MAP2K5: variants seen among roughly 807,000 people sequenced by gnomAD.
The protein encoded by MAP2K5 is dual specificity mitogen-activated protein kinase kinase 5.
MAP2K5 carries 49 observed loss-of-function variants against 83.1 expected under a neutral mutation model. That is an observed-to-expected ratio of 0.59 (90% CI 0.47 to 0.75). The LOEUF is 0.75. MAP2K5 is among the 30% of genes least tolerant of loss of function. MAP2K5 has a pLI of 0.00. For synonymous variants in MAP2K5, 202 were observed against 191.8 expected (o/e 1.05, Z -0.44); for missense variants, 457 against 557.5 (o/e 0.82, Z 1.82).
Position 67,708,021 on chromosome 15 carries a change from G to A in MAP2K5, c.1044+4613G>A, listed in dbSNP as rs949882578. 6.6e-6 allele frequency among the ~76,000 whole-genome samples: 1 copy of A among 152,190 alleles called. No homozygotes were observed. The highest frequency in any genetic ancestry group is 6.5e-5 in the Admixed American group (1 of 15,276). Reference sequence around the variant, plus strand: ...AAAGGAATTTCCCTGAAATTACACAGGAATCAAATACAGGCTAGGCCTGGC... The same window carrying A: ...AAAGGAATTTCCCTGAAATTACACAAGAATCAAATACAGGCTAGGCCTGGC... On this transcript the variant is annotated intron_variant, in intron 16 of 21. Transcript: ENST00000178640. The surrounding 1 kb of genome is among the most constrained non-coding windows in gnomAD (Gnocchi z 4.9).
chr15:67,573,796 T>C lies in MAP2K5; in HGVS notation c.253-6958T>C, dbSNP rs1454247938. ...TCTGAGTTTTGCTTTAAAGATAATATCTTTAAATAATAATATCTTCTTGTG... is the reference window on the plus strand; with the variant it reads ...TCTGAGTTTTGCTTTAAAGATAATACCTTTAAATAATAATATCTTCTTGTG... On this transcript the variant is annotated intron_variant, in intron 3 of 21. Transcript: ENST00000178640. This position sits in a 1 kb window ranked among gnomAD's most constrained non-coding sequence, Gnocchi z 4.2. 6.6e-6 allele frequency among the ~76,000 whole-genome samples: 1 copy of C among 152,158 alleles called. No homozygotes were observed. Among genetic ancestry groups the C allele is most frequent in the Non-Finnish European group, 1.5e-5 (1 of 68,026 alleles).
In MAP2K5 at chr15:67,563,175, G is replaced by C. The variant is rs2084772814; in HGVS notation, c.185-108G>C. Reference sequence around the variant, plus strand: ...TAATGTCAACATACCCCCAAAATGTGGTGTTGAGGGTTAGAATATCACATT... The same window carrying C: ...TAATGTCAACATACCCCCAAAATGTCGTGTTGAGGGTTAGAATATCACATT... On this transcript the variant is annotated intron_variant, in intron 2 of 21. Coordinates refer to ENST00000178640, the MANE Select transcript of MAP2K5 (RefSeq NM_145160.3). This position sits in a 1 kb window ranked among gnomAD's most constrained non-coding sequence, Gnocchi z 4.5. 8.7e-7 allele frequency: 1 copy of C among 1,154,866 alleles called. No individual in the cohort carries two copies. The highest frequency in any genetic ancestry group is 1.6e-5 in the African/African-American group (1 of 64,206). 71.5% of individuals were successfully genotyped at this position (1,154,866 alleles called of 1,614,324 possible).
intron 17 of MAP2K5, among the ~76,000 whole-genome samples, chr15:67,730,829 G>A (rs946399412): frequency 2.0e-5 from 3 of 152,170 alleles, no homozygotes; most frequent in Admixed American, 1.3e-4. Flanking sequence ...GTGGCCTATT[G>A]GAAGGAGCCC....
At position 67,760,414 on chromosome 15, in the gene MAP2K5, A is replaced by G. The variant is rs2089926476; in HGVS notation, c.1135-9188A>G. The stretch of plus-strand genomic sequence containing the variant: ...AAAGTTTTTTTAAACACACAATTAT[A>G]TAAAATTAGATTTTATTAACTATTG... On this transcript the variant is annotated intron_variant, in intron 19 of 21. Transcript: ENST00000178640. The surrounding 1 kb of genome is among the most constrained non-coding windows in gnomAD (Gnocchi z 4.1). Among the ~76,000 whole-genome samples, 1 of 152,232 alleles carries G rather than the reference A, an allele frequency of 6.6e-6. No individual in the cohort carries two copies. Among genetic ancestry groups the G allele is most frequent in the Non-Finnish European group, 1.5e-5 (1 of 68,042 alleles).
At chr15:67,619,829 G>A (rs2086140461) in intron 8 of MAP2K5, among the ~76,000 whole-genome samples, 1 of 152,210 alleles carries the variant, frequency 6.6e-6, no homozygotes, top group Non-Finnish European at 1.5e-5. Flanking sequence ...TACTCAGGAG[G>A]CTGAGGCAGG....
chr15:67,803,928 C>A (rs1290594871), intron 21 of MAP2K5, among the ~76,000 whole-genome samples: 1 of 152,218 alleles, frequency 6.6e-6, no homozygotes, highest in African/African-American at 2.4e-5. Context: ...TCTGGGAGCT[C>A]AGGCAGGTCA....
In MAP2K5 at chr15:67,764,514, C is replaced by T. The variant is rs2141293748; in HGVS notation, c.1135-5088C>T. ...TGGCAGTCTCACGTGGCCACTTCCT[C>T]CATCCTGCAGGGCTGGTTATTAGGG... is the stretch of plus-strand genomic sequence containing the variant. On this transcript the variant is annotated intron_variant, in intron 19 of 21. Coordinates refer to ENST00000178640, the MANE Select transcript of MAP2K5 (RefSeq NM_145160.3). The surrounding 1 kb of genome is among the most constrained non-coding windows in gnomAD (Gnocchi z 4.9). Among the ~76,000 whole-genome samples the T allele has an allele frequency of 6.6e-6, 1 of 152,294 alleles. No individual in the cohort carries two copies. The highest frequency in any genetic ancestry group is 1.5e-5 in the Non-Finnish European group (1 of 68,024).
chr15:67,656,949 C>G (rs987787135), intron 11 of MAP2K5, among the ~76,000 whole-genome samples: 1 of 152,180 alleles, frequency 6.6e-6, no homozygotes, highest in South Asian at 2.1e-4. Flanking sequence ...AACAGGAACT[C>G]TTAATCCTGA....
intron 8 of MAP2K5, 140 bp from the exon 9 acceptor site, chr15:67,630,748 A>C: frequency 1.5e-6 from 1 of 653,138 alleles, no homozygotes; most frequent in Non-Finnish European, 2.7e-6. Flanking sequence ...ATAAATGTAA[A>C]TTACTAATGT....
In MAP2K5 at chr15:67,550,070, A is replaced by G. The variant is rs1230333093; in HGVS notation, c.172A>G (p.Thr58Ala). The G allele has an allele frequency of 1.3e-5, 21 of 1,613,532 alleles. No individual in the cohort carries two copies. Among genetic ancestry groups the G allele is most frequent in the Non-Finnish European group, 1.7e-5 (20 of 1,179,634 alleles). Reference sequence around the variant, plus strand: ...CCAGGTTCTGCCTGAAGCAACAACTACAGCATTTGAATGTAAGTCTGGCTT... The same window carrying G: ...CCAGGTTCTGCCTGAAGCAACAACTGCAGCATTTGAATGTAAGTCTGGCTT... ...IGQVLPEATT[T>A]AFEYEDEDGD... The change falls in exon 2 of 22, where the codon ACA becomes GCA. Residue 58 changes from threonine to alanine, a missense_variant. Thr to Ala is a moderately conservative substitution (Grantham distance 58). Coordinates refer to ENST00000178640, the MANE Select transcript of MAP2K5 (RefSeq NM_145160.3).
chr15:67,543,162 C>T lies in MAP2K5; in HGVS notation c.-174C>T. ...CCGACAGCCTGGGCAGGCTCGGTGCCTGCGGGTGCGTTCCTGATCACCCCT... is the reference window on the plus strand; with the variant it reads ...CCGACAGCCTGGGCAGGCTCGGTGCTTGCGGGTGCGTTCCTGATCACCCCT... On this transcript the variant is annotated 5_prime_UTR_variant, in exon 1 of 22. Transcript: ENST00000178640. This position sits in a 1 kb window ranked among gnomAD's most constrained non-coding sequence, Gnocchi z 4.3. 1 of 653,404 alleles carries T rather than the reference C, an allele frequency of 1.5e-6. No homozygotes were observed. The highest frequency in any genetic ancestry group is 4.2e-4 in the Middle Eastern group (1 of 2,376). The allele number at this position is 653,404 out of a possible 1,614,324, so 40.5% of individuals were successfully genotyped here. A position where few individuals can be genotyped will look rare whatever the true frequency, so the allele number is the denominator to read the frequency against.
At position 67,652,464 on chromosome 15, in the gene MAP2K5, G is replaced by A. The variant is rs1356601601; in HGVS notation, c.736+5995G>A. Among the ~76,000 whole-genome samples, 1 of 152,076 alleles carries A rather than the reference G, an allele frequency of 6.6e-6. No homozygotes were observed. Among genetic ancestry groups the A allele is most frequent in the Non-Finnish European group, 1.5e-5 (1 of 68,010 alleles). On this transcript the variant is annotated intron_variant, in intron 11 of 21. Coordinates refer to ENST00000178640, the MANE Select transcript of MAP2K5 (RefSeq NM_145160.3). The surrounding 1 kb of genome is among the most constrained non-coding windows in gnomAD (Gnocchi z 4.2). ...GTGGAGCAAGAGAGAGAGGAGGGAG[G>A]TCCCAGACACTTTTTAACAACCAAA...
At chr15:67,670,166 T>G (rs1210521368) in intron 13 of MAP2K5, among the ~76,000 whole-genome samples, 1 of 152,122 alleles carries the variant, frequency 6.6e-6, no homozygotes, top group Non-Finnish European at 1.5e-5. Context: ...ATACTTCATG[T>G]TAAATGAAGG....
chr15:67,625,944 T>C (rs1200645121), intron 8 of MAP2K5, among the ~76,000 whole-genome samples: 1 of 152,212 alleles, frequency 6.6e-6, no homozygotes, highest in Non-Finnish European at 1.5e-5. Flanking sequence ...TATATTAGAC[T>C]ATCTGCTAAT....
chr15:67,691,130 A>G (rs369353989), intron 13 of MAP2K5, among the ~76,000 whole-genome samples: 11 of 152,174 alleles, frequency 7.2e-5, no homozygotes, highest in African/African-American at 2.7e-4. Flanking sequence ...CACAATGTGT[A>G]CTTGTGGTTT....
intron 19 of MAP2K5, among the ~76,000 whole-genome samples, chr15:67,763,741 A>C (rs1488975470): frequency 1.3e-5 from 2 of 152,106 alleles, no homozygotes; most frequent in Non-Finnish European, 2.9e-5. Context: ...TGCTACTCTA[A>C]GGCAGTGAAC....
Position 67,722,943 on chromosome 15 carries a change from T to C in MAP2K5, c.1045-4973T>C, listed in dbSNP as rs1371187535. On this transcript the variant is annotated intron_variant, in intron 16 of 21. Transcript: ENST00000178640. The surrounding 1 kb of genome is among the most constrained non-coding windows in gnomAD (Gnocchi z 4.2). ...AAAATGCTTATTTTCAATTTGTAGT[T>C]ATGCCGAGAAACATAGAATATGTCT... is the stretch of plus-strand genomic sequence containing the variant. Among the ~76,000 whole-genome samples, 1 of 152,186 alleles carries C rather than the reference T, an allele frequency of 6.6e-6. No individual in the cohort carries two copies. The highest frequency in any genetic ancestry group is 1.9e-4 in the East Asian group (1 of 5,202).
intron 13 of MAP2K5, among the ~76,000 whole-genome samples, chr15:67,678,330 T>C (rs1461802013): frequency 6.6e-6 from 1 of 152,192 alleles, no homozygotes; most frequent in Non-Finnish European, 1.5e-5. Flanking sequence ...CTTCCTGGTA[T>C]TCACACAGTG....
rs964757667 is a variant in MAP2K5, at chr15:67,549,350, C to T, written c.136-684C>T. On this transcript the variant is annotated intron_variant, in intron 1 of 21. Transcript: ENST00000178640. ...GTTGTAGGCTAGATTAACTTTATTTCGGTGTCATTAAGTATGTTTTCTGTT... is the reference window on the plus strand; with the variant it reads ...GTTGTAGGCTAGATTAACTTTATTTTGGTGTCATTAAGTATGTTTTCTGTT... 39 of 710,778 alleles carry T rather than the reference C, an allele frequency of 5.5e-5. 1 individual carries two copies. The highest frequency in any genetic ancestry group is 7.3e-5 in the South Asian group (4 of 54,948). The allele number at this position is 710,778 out of a possible 1,614,324, so 44.0% of individuals were successfully genotyped here.
Sources: allele counts gnomAD v4.1 joint callset (sites outside exome capture counted in the v4.1 genomes callset), GRCh38; gene constraint gnomAD v4.1.1; non-coding constraint Gnocchi (gnomAD v3.1); transcripts MANE v1.5; gene names NCBI Gene and HGNC (gene_info 2026-07-23, HGNC 2026-07-21).